Variants in TCF4 observed in about 807,000 individuals in gnomAD.
TCF4 encodes the protein SL3-3 enhancer factor 2.
A neutral mutation model predicts 82.1 loss-of-function variants in TCF4; 3 were observed. The ratio of observed to expected loss-of-function variants is 0.04; its 90% CI spans 0.02 to 0.09. TCF4 has a LOEUF of 0.09. Ranked by LOEUF, TCF4 falls within the 10% of genes least tolerant of loss-of-function variation. The pLI is 1.00. For synonymous variants in TCF4, 276 were observed against 309.6 expected, an observed-to-expected ratio of 0.89 and a Z score of 1.14; for missense variants, 518 against 852.7, an observed-to-expected ratio of 0.61 and a Z score of 4.89.
Position 55,413,126 on chromosome 18 carries a change from T to TG in TCF4, c.305-9609dup, listed in dbSNP as rs200550010. Among the ~76,000 whole-genome samples, 264 of 151,860 alleles carry TG rather than the reference T, an allele frequency of 1.7e-3. No homozygotes were observed. In the Middle Eastern group the frequency reaches 0.041, roughly 23 times the overall value. On this transcript the variant is annotated intron_variant, in intron 5 of 19. Coordinates refer to ENST00000354452, the MANE Select transcript of TCF4 (RefSeq NM_001083962.2). ...GATACTCAAAACTACATCAAAAGAA[T>TG]GGGGGGGGACATGACAATGTTATAT...
intron 2 of TCF4, among the ~76,000 whole-genome samples, chr18:55,625,814 A>C (rs969743929): frequency 1.3e-5 from 2 of 151,996 alleles, no homozygotes; most frequent in East Asian, 3.8e-4. Flanking sequence ...AGTATTTTTT[A>C]TTTCTTTCCT....
chr18:55,539,622 C>T (rs1304461031), intron 3 of TCF4, among the ~76,000 whole-genome samples: 2 of 152,068 alleles, frequency 1.3e-5, no homozygotes, highest in Non-Finnish European at 2.9e-5. Context: ...CAAACTTATC[C>T]ACTGTGGACA....
intron 15 of TCF4, among the ~76,000 whole-genome samples, chr18:55,242,799 G>A (rs138423482): frequency 0.013 from 2,019 of 152,072 alleles, 42 homozygotes; most frequent in African/African-American, 0.046. Context: ...TAGTAGAGAC[G>A]GGGTTTCACC....
chr18:55,449,604 G>A (rs2095585760), intron 5 of TCF4, among the ~76,000 whole-genome samples: 1 of 152,190 alleles, frequency 6.6e-6, no homozygotes, highest in Non-Finnish European at 1.5e-5. Context: ...TAAGAGTACA[G>A]CTTGGTCTGA....
chr18:55,353,550 C>T (rs1008960705), intron 6 of TCF4, among the ~76,000 whole-genome samples: 5 of 152,134 alleles, frequency 3.3e-5, no homozygotes, highest in Admixed American at 1.3e-4. Context: ...CATTTCCTCA[C>T]ATTTAAGGGG....
chr18:55,266,989 C>T (rs1461983963), intron 11 of TCF4: 1 of 152,114 alleles, frequency 6.6e-6, no homozygotes, highest in Non-Finnish European at 1.5e-5. Flanking sequence ...GACACTGAGA[C>T]GAAGGGCAGC....
At chr18:55,380,344 C>T (rs1014494670) in intron 6 of TCF4, among the ~76,000 whole-genome samples, 1 of 151,856 alleles carries the variant, frequency 6.6e-6, no homozygotes, top group African/African-American at 2.4e-5. Flanking sequence ...TGGGTATACA[C>T]GTGCCATGGT....
intron 1 of TCF4, chr18:55,635,648 T>C: frequency 6.6e-7 from 1 of 1,510,458 alleles, no homozygotes; most frequent in Non-Finnish European, 8.8e-7. Context: ...TGGGAGATCA[T>C]TTTTGGTTTC....
intron 3 of TCF4, among the ~76,000 whole-genome samples, chr18:55,491,141 T>C (rs1262908708): frequency 2.0e-5 from 3 of 152,178 alleles, no homozygotes; most frequent in Non-Finnish European, 2.9e-5. Flanking sequence ...CTGTGCATAA[T>C]TCGTAAGCCC....
At chr18:55,533,846 C>A (rs1467207129) in intron 3 of TCF4, among the ~76,000 whole-genome samples, 1 of 152,200 alleles carries the variant, frequency 6.6e-6, no homozygotes, top group African/African-American at 2.4e-5. Flanking sequence ...CTCTTATCGT[C>A]TCATCTACCT....
At chr18:55,454,008 G>A (rs2095681512) in intron 5 of TCF4, among the ~76,000 whole-genome samples, 1 of 151,830 alleles carries the variant, frequency 6.6e-6, no homozygotes, top group Non-Finnish European at 1.5e-5. Flanking sequence ...GACCACTAGT[G>A]CATAAAACCA....
chr18:55,294,610 G>A (rs1306544893), intron 8 of TCF4, among the ~76,000 whole-genome samples: 1 of 152,190 alleles, frequency 6.6e-6, no homozygotes, highest in Non-Finnish European at 1.5e-5. Flanking sequence ...GTACCAGGAA[G>A]AAGATATCAT....
chr18:55,474,698 C>G (rs1379938072), intron 3 of TCF4, among the ~76,000 whole-genome samples: 2 of 152,118 alleles, frequency 1.3e-5, no homozygotes, highest in African/African-American at 4.8e-5. Flanking sequence ...GGGTTGAAGT[C>G]AAGGAAAATG....
In TCF4 at chr18:55,225,537, A is replaced by G. The variant is rs924604307; in HGVS notation, c.*2498T>C. On this transcript the variant is annotated 3_prime_UTR_variant, in exon 20 of 20. Transcript: ENST00000354452. ...TGATCAGAGTATACCTGCTTCCTAT[A>G]TAATATTGTTCCTAGGGATACCCGC... The G allele has an allele frequency of 1.3e-5, 2 of 152,586 alleles. No individual in the cohort carries two copies. Among genetic ancestry groups the G allele is most frequent in the African/African-American group, 4.8e-5 (2 of 41,452 alleles). 9.5% of individuals were successfully genotyped at this position (152,586 alleles called of 1,614,324 possible). A position where few individuals can be genotyped will look rare whatever the true frequency, so the allele number is the denominator to read the frequency against.
intron 3 of TCF4, among the ~76,000 whole-genome samples, chr18:55,536,014 T>G (rs185041030): frequency 6.6e-6 from 1 of 152,296 alleles, no homozygotes; most frequent in Admixed American, 6.5e-5. Context: ...TGAGATATAT[T>G]TTACATAAAA....
chr18:55,327,564 T>C (rs1312374184), intron 8 of TCF4, among the ~76,000 whole-genome samples: 2 of 152,176 alleles, frequency 1.3e-5, no homozygotes, highest in African/African-American at 2.4e-5. Flanking sequence ...CCTGGGTTCA[T>C]ATGTAGACAT....
intron 8 of TCF4, among the ~76,000 whole-genome samples, chr18:55,289,069 C>T (rs763206512): frequency 7.9e-5 from 12 of 152,296 alleles, no homozygotes; most frequent in Non-Finnish European, 1.5e-4. Flanking sequence ...GTGTATCAGA[C>T]GAATGCCCAC....
At chr18:55,453,110 C>CA (rs1233390015) in intron 5 of TCF4, among the ~76,000 whole-genome samples, 1 of 152,156 alleles carries the variant, frequency 6.6e-6, no homozygotes, top group Non-Finnish European at 1.5e-5. Flanking sequence ...GCTGCATTCC[C>CA]AGCCCTGCCC....
chr18:55,257,431 T>C (rs756468460), intron 13 of TCF4, 40 bp from the exon 14 acceptor site: 30 of 1,597,080 alleles, frequency 1.9e-5, no homozygotes, highest in Non-Finnish European at 2.5e-5. Context: ...TCTAGACACA[T>C]GTAAAAAGAC....
Sources: gnomAD v4.1 joint callset for allele counts (sites outside exome capture counted in the v4.1 genomes callset) on GRCh38, gnomAD v4.1.1 for gene constraint, MANE v1.5 for transcripts, NCBI Gene and HGNC (gene_info 2026-07-23, HGNC 2026-07-21) for gene names.